The following EPB41L3 variants were observed in gnomAD, a reference collection of about 807,000 sequenced individuals.
EPB41L3 encodes the protein band 4.1-like protein 3.
A neutral mutation model predicts 127.1 loss-of-function variants in EPB41L3; 57 were observed. The observed-to-expected ratio is 0.45, with a 90% CI of 0.36 to 0.56. The LOEUF (loss-of-function observed/expected upper bound fraction) is 0.56, where lower values mean the gene tolerates loss of function less well. EPB41L3 is among the 20% of genes least tolerant of loss of function. EPB41L3 has a pLI of 0.00. For missense variants in EPB41L3, 1,273 were observed against 1,372.2 expected, an observed-to-expected ratio of 0.93 and a Z score of 1.14; for synonymous variants, 572 against 549.5, an observed-to-expected ratio of 1.04 and a Z score of -0.57.
At chr18:5,612,734 CA>C (rs2094742544) in intron 2 of EPB41L3, among the ~76,000 whole-genome samples, 1 of 152,146 alleles carries the variant, frequency 6.6e-6, no homozygotes, top group Non-Finnish European at 1.5e-5. Context: ...TATCTGTTTT[CA>C]AACACATTTT....
intron 1 of EPB41L3, among the ~76,000 whole-genome samples, chr18:5,498,276 CATTA>C (rs1568427697): frequency 6.6e-6 from 1 of 152,156 alleles, no homozygotes; most frequent in East Asian, 1.9e-4. Context: ...TATAGCAGTT[CATTA>C]GTGTTCCCTA....
rs1272292130 is a variant in EPB41L3, at chr18:5,478,348, A to G, written c.274T>C (p.Ser92Pro). The G allele has an allele frequency of 6.2e-7, 1 of 1,614,164 alleles. No individual in the cohort carries two copies. The highest frequency in any genetic ancestry group is 1.3e-5 in the African/African-American group (1 of 75,056). Residue 92 changes from serine to proline, a missense_variant, in exon 3 of 23, where the codon TCT (serine) becomes CCT (proline). By Grantham distance (74) the Ser-to-Pro change is moderately conservative. Transcript: ENST00000341928. ...LEDDKLSQKSSSSKLSRSPLK... is the reference protein window; with the variant it reads ...LEDDKLSQKSPSSKLSRSPLK... ...GGAGACCGAGAGAGTTTACTGCTAG[A>G]TGATTTCTGAGAAAGTTTATCGTCT...
intron 1 of EPB41L3, among the ~76,000 whole-genome samples, chr18:5,538,457 G>GATGTTAAATGTGAAAA (rs1568533807): frequency 6.6e-6 from 1 of 152,348 alleles, no homozygotes; most frequent in East Asian, 1.9e-4. Flanking sequence ...CAATTTCAGA[G>GATGTTAAATGTGAAAA]ATGTTAAATG....
rs563218101 is a variant in EPB41L3, at chr18:5,506,051, C to G, written c.-11-16857G>C. Among the ~76,000 whole-genome samples the G allele has an allele frequency of 3.5e-3, 535 of 151,888 alleles. 3 individuals carry two copies. Among genetic ancestry groups the G allele is most frequent in the African/African-American group, 0.012 (512 of 41,400 alleles). Reference sequence around the variant, plus strand: ...CCCTGCCACACCCTCACCTCTGCCCCAGCCTACCCCGCCACATTACTTCCA... The same window carrying G: ...CCCTGCCACACCCTCACCTCTGCCCGAGCCTACCCCGCCACATTACTTCCA... On this transcript the variant is annotated intron_variant, in intron 1 of 22. Transcript: ENST00000341928.
intron 1 of EPB41L3, among the ~76,000 whole-genome samples, chr18:5,527,270 G>A (rs1191982444): frequency 1.3e-5 from 2 of 152,112 alleles, no homozygotes; most frequent in African/African-American, 4.8e-5. Flanking sequence ...TGATTCTCTC[G>A]TATCCCAAGA....
In EPB41L3 at chr18:5,489,039, C is replaced by A; in HGVS notation, c.145G>T (p.Ala49Ser). ...EEQQQALEQFAAAAAHSTPVR... is the reference protein window; with the variant it reads ...EEQQQALEQFSAAAAHSTPVR... The stretch of plus-strand genomic sequence containing the variant: ...GGGGTGCTGTGCGCTGCAGCGGCGG[C>A]GAACTGCTCCAGGGCCTGCTGCTGC... Residue 49 changes from alanine (A) to serine (S), a missense_variant, in exon 2 of 23, where the codon GCC becomes TCC. Physicochemically the swap from Ala to Ser is moderately conservative, Grantham distance 99. Around this residue, in one of 3 missense-constraint regions of EPB41L3, gnomAD observed 182 missense variants for 149.2 expected, o/e 1.22. Coordinates refer to ENST00000341928, the MANE Select transcript of EPB41L3 (RefSeq NM_012307.5). 1 of 1,591,926 alleles carries A rather than the reference C, an allele frequency of 6.3e-7. No individual in the cohort carries two copies.
Position 5,398,042 on chromosome 18 carries a change from A to G in EPB41L3, c.2451T>C (p.Ser817=). Residue 817 remains serine, a synonymous_variant, in exon 17 of 23, where the codon TCT becomes TCC. Transcript: ENST00000341928. Reference sequence around the variant, plus strand: ...CCACCTGAACCCAGCTTTGAGAAGTAGAAGTAACCCCTCCTATGAATTCTG... The same window carrying G: ...CCACCTGAACCCAGCTTTGAGAAGTGGAAGTAACCCCTCCTATGAATTCTG... ...KPTEFIGGVT[S]TSQSWVQKME... is the part of the protein sequence containing the mutation. 1 of 1,614,186 alleles carries G rather than the reference A, an allele frequency of 6.2e-7. No individual in the cohort carries two copies. The highest frequency in any genetic ancestry group is 8.5e-7 in the Non-Finnish European group (1 of 1,180,012).
rs144002108 is a variant in EPB41L3, at chr18:5,415,919, G to A, written c.1966C>T (p.Leu656Phe). The A allele has an allele frequency of 1.2e-6, 2 of 1,614,060 alleles. No individual in the cohort carries two copies. The highest frequency in any genetic ancestry group is 2.2e-5 in the East Asian group (1 of 44,886). Residue 656 changes from leucine (L) to phenylalanine (F), a missense_variant, in exon 13 of 23, where the codon CTC becomes TTC. By Grantham distance (22) the Leu-to-Phe change is conservative. Coordinates refer to ENST00000341928, the MANE Select transcript of EPB41L3 (RefSeq NM_012307.5). ...ASFSVPYALT[L>F]SFPLALCLCY... is the part of the protein sequence containing the mutation. Reference sequence around the variant, plus strand: ...AGGCACAGAGCCAGAGGGAAGGAGAGAGTGAGAGCGTATGGCACTGAGAAG... The same window carrying A: ...AGGCACAGAGCCAGAGGGAAGGAGAAAGTGAGAGCGTATGGCACTGAGAAG...
At chr18:5,518,157 C>T (rs924850419) in intron 1 of EPB41L3, among the ~76,000 whole-genome samples, 7 of 152,132 alleles carry the variant, frequency 4.6e-5, no homozygotes, top group African/African-American at 1.4e-4. Context: ...ATCAGGCCCC[C>T]TCAGGGAGAC....
At chr18:5,472,978 C>A (rs945733002) in intron 3 of EPB41L3, among the ~76,000 whole-genome samples, 20 of 152,142 alleles carry the variant, frequency 1.3e-4, no homozygotes, top group African/African-American at 4.8e-4. Flanking sequence ...TCAAGATGAC[C>A]GTTTCTGTAC....
chr18:5,433,270 A>T (rs1346107733), intron 8 of EPB41L3, among the ~76,000 whole-genome samples, 199 bp downstream of exon 8: 1 of 152,202 alleles, frequency 6.6e-6, no homozygotes. Context: ...AGTTTGAGAC[A>T]CAAAGAGCAA....
chr18:5,527,523 T>TG (rs1236500436), intron 1 of EPB41L3, among the ~76,000 whole-genome samples: 1 of 152,182 alleles, frequency 6.6e-6, no homozygotes, highest in Non-Finnish European at 1.5e-5. Flanking sequence ...TTCTAAAAGT[T>TG]GGGTCTATGG....
chr18:5,489,311 C>A, intron 1 of EPB41L3, 117 bp from the exon 2 acceptor site: 1 of 1,201,296 alleles, frequency 8.3e-7, no homozygotes, highest in Non-Finnish European at 1.1e-6. Flanking sequence ...GAGATGCTAC[C>A]AAACCCCATC....
At chr18:5,423,897 T>C (rs997154725) in intron 10 of EPB41L3, among the ~76,000 whole-genome samples, 1 of 152,142 alleles carries the variant, frequency 6.6e-6, no homozygotes, top group Non-Finnish European at 1.5e-5. Context: ...CCTAATTTGA[T>C]GGGTCTCGTA....
At chr18:5,606,529 C>T (rs967107240) in intron 3 of EPB41L3, among the ~76,000 whole-genome samples, 2 of 152,112 alleles carry the variant, frequency 1.3e-5, no homozygotes, top group Non-Finnish European at 2.9e-5. Flanking sequence ...CAAACTTTAA[C>T]CCTTTATTCG....
chr18:5,558,544 T>C (rs2094074592), intron 3 of EPB41L3, among the ~76,000 whole-genome samples: 1 of 152,214 alleles, frequency 6.6e-6, no homozygotes, highest in Non-Finnish European at 1.5e-5. Flanking sequence ...GATATATTTA[T>C]TTAGGTATGT....
In EPB41L3 at chr18:5,393,374, C is replaced by G. The variant is rs1333757311; in HGVS notation, c.*111G>C. 1.6e-6 allele frequency: 1 copy of G among 616,958 alleles called. No homozygotes were observed. The highest frequency in any genetic ancestry group is 1.9e-5 in the African/African-American group (1 of 53,242). The allele number at this position is 616,958 out of a possible 1,614,324, so 38.2% of individuals were successfully genotyped here. On this transcript the variant is annotated 3_prime_UTR_variant, in exon 23 of 23. Transcript: ENST00000341928. ...GTCAATTCTTCTGGACTGAAATTTT[C>G]CACGGACAGATACAAGTCAGTTGGG...
chr18:5,565,453 C>CT lies in EPB41L3; in HGVS notation c.-306+46886dup, dbSNP rs1195826918. 4.9e-3 allele frequency among the ~76,000 whole-genome samples: 690 copies of CT among 141,856 alleles called. 5 individuals are homozygous for CT. Among genetic ancestry groups the CT allele is most frequent in the African/African-American group, 0.015 (572 of 39,064 alleles). 93.1% of individuals were successfully genotyped at this position (141,856 alleles called of 152,430 possible). The stretch of plus-strand genomic sequence containing the variant: ...AGAGACTCAGGTTTTCTTCTCTTTT[C>CT]TTTTTTTTTTTTTAATTATACTTTA... On this transcript the variant is annotated intron_variant, in intron 3 of 21. Transcript: ENST00000545076.
chr18:5,456,830 A>T (rs2083157787), intron 3 of EPB41L3, among the ~76,000 whole-genome samples: 1 of 152,216 alleles, frequency 6.6e-6, no homozygotes, highest in Non-Finnish European at 1.5e-5. Context: ...TGACAGGGGT[A>T]AGGAGGAAGC....
Sources: gnomAD v4.1 joint callset for allele counts (sites outside exome capture counted in the v4.1 genomes callset) on GRCh38, gnomAD v4.1.1 for gene constraint, gnomAD v4.1.1 regional missense constraint, MANE v1.5 for transcripts, NCBI Gene and HGNC (gene_info 2026-07-23, HGNC 2026-07-21) for gene names.